SOX5: variants seen among roughly 807,000 people sequenced by gnomAD.
SOX5 encodes SRY-box transcription factor 5.
Under a neutral mutation model 92.0 loss-of-function variants are expected in SOX5, and 9 were observed. The ratio of observed to expected loss-of-function variants is 0.10; its 90% CI spans 0.06 to 0.17. The LOEUF (loss-of-function observed/expected upper bound fraction) is 0.17, where lower values mean the gene tolerates loss of function less well. Among genes scored for constraint, SOX5 ranks in the 10% least tolerant of loss-of-function variants. SOX5 has a pLI of 1.00. For synonymous variants in SOX5, 344 were observed against 336.3 expected (o/e 1.02, Z -0.25); for missense variants, 642 against 944.5 (o/e 0.68, Z 4.20).
At chr12:24,081,815 C>T (rs1358657451) in intron 4 of SOX5, among the ~76,000 whole-genome samples, 1 of 152,058 alleles carries the variant, frequency 6.6e-6, no homozygotes, top group South Asian at 2.1e-4. Context: ...GCCATTCAAA[C>T]GTTCTTCACA....
intron 1 of SOX5, among the ~76,000 whole-genome samples, chr12:24,380,052 G>A (rs1957674726): frequency 6.6e-6 from 1 of 152,192 alleles, no homozygotes; most frequent in Non-Finnish European, 1.5e-5. Context: ...ATACACCAGT[G>A]AAGTGAAATG....
At chr12:23,642,614 T>A (rs947131800) in intron 7 of SOX5, among the ~76,000 whole-genome samples, 1 of 152,010 alleles carries the variant, frequency 6.6e-6, no homozygotes, top group Non-Finnish European at 1.5e-5. Context: ...ATCAATGGGA[T>A]TGGGGAGGGA....
intron 4 of SOX5, among the ~76,000 whole-genome samples, chr12:24,040,509 T>C (rs888723867): frequency 7.9e-5 from 12 of 152,202 alleles, no homozygotes; most frequent in Admixed American, 3.9e-4. Context: ...AATTGAAAAA[T>C]AGAAATGTTT....
chr12:24,087,599 A>G (rs1203801014), intron 4 of SOX5, among the ~76,000 whole-genome samples: 1 of 152,092 alleles, frequency 6.6e-6, no homozygotes, highest in Non-Finnish European at 1.5e-5. Context: ...CATTTTGCTG[A>G]GAGCAAATAC....
intron 2 of SOX5, among the ~76,000 whole-genome samples, chr12:23,859,905 C>T (rs751552130): frequency 7.9e-5 from 12 of 152,082 alleles, no homozygotes; most frequent in Non-Finnish European, 1.6e-4. Context: ...AACCTAAATG[C>T]CCATAAATGA....
At chr12:23,981,404 T>C (rs1160661457) in intron 4 of SOX5, among the ~76,000 whole-genome samples, 2 of 152,230 alleles carry the variant, frequency 1.3e-5, no homozygotes, top group African/African-American at 2.4e-5. Flanking sequence ...ATGGTGGTGG[T>C]GATGTGGTAA....
intron 10 of SOX5, among the ~76,000 whole-genome samples, chr12:23,570,821 G>C (rs990991446): frequency 2.7e-5 from 4 of 148,312 alleles, no homozygotes; most frequent in Admixed American, 6.8e-5. Context: ...TGAGACAGGG[G>C]AATGGCGTGA....
chr12:24,144,175 A>C (rs965306895), intron 4 of SOX5, among the ~76,000 whole-genome samples: 2 of 152,318 alleles, frequency 1.3e-5, no homozygotes, highest in Non-Finnish European at 2.9e-5. Context: ...GAGTGGAGCA[A>C]AATCTTGAAA....
intron 3 of SOX5, among the ~76,000 whole-genome samples, chr12:23,782,016 T>C (rs1341618902): frequency 6.6e-6 from 1 of 152,010 alleles, no homozygotes; most frequent in Non-Finnish European, 1.5e-5. Flanking sequence ...TTTTTTTTTA[T>C]TGACTAGAAA....
intron 7 of SOX5, among the ~76,000 whole-genome samples, chr12:23,658,825 G>A (rs927679161): frequency 1.6e-4 from 24 of 152,150 alleles, no homozygotes; most frequent in African/African-American, 5.1e-4. Flanking sequence ...CTCAGGAGGC[G>A]GAGCTTGCAG....
At chr12:23,895,760 G>T (rs2097170666) in intron 2 of SOX5, 33 bp downstream of exon 2, 1 of 1,467,384 alleles carries the variant, frequency 6.8e-7, no homozygotes. Flanking sequence ...GTCAAAAAGT[G>T]AGTGTAGGCA....
intron 4 of SOX5, among the ~76,000 whole-genome samples, chr12:24,151,561 G>A (rs1449382396): frequency 2.6e-5 from 4 of 152,072 alleles, no homozygotes; most frequent in Admixed American, 2.6e-4. Flanking sequence ...TGATGATAAT[G>A]TGTGAGGTTT....
chr12:24,307,515 A>AAGGAAGGC (rs1323785027), intron 2 of SOX5, among the ~76,000 whole-genome samples: 41 of 24,478 alleles, frequency 1.7e-3, no homozygotes, highest in African/African-American at 3.4e-3. Flanking sequence ...GGAAGGAAGG[A>AAGGAAGGC]AGGCCGGCCC....
intron 1 of SOX5, among the ~76,000 whole-genome samples, chr12:24,420,382 T>C (rs983894416): frequency 6.6e-6 from 1 of 152,090 alleles, no homozygotes; most frequent in African/African-American, 2.4e-5. Context: ...CATGTGAAAA[T>C]ACTCAAAAGC....
intron 2 of SOX5, among the ~76,000 whole-genome samples, chr12:24,320,344 C>T (rs1027554368): frequency 5.9e-5 from 9 of 152,096 alleles, no homozygotes; most frequent in African/African-American, 2.2e-4. Context: ...TTTTTAGCTC[C>T]TCAATATTGA....
chr12:24,041,393 A>G (rs1461162673), intron 4 of SOX5, among the ~76,000 whole-genome samples: 1 of 152,194 alleles, frequency 6.6e-6, no homozygotes, highest in Non-Finnish European at 1.5e-5. Flanking sequence ...CAGAAAAATG[A>G]CAAATTACTG....
At chr12:24,530,795 C>A (rs1951128805) in intron 1 of SOX5, among the ~76,000 whole-genome samples, 1 of 150,682 alleles carries the variant, frequency 6.6e-6, no homozygotes, top group Admixed American at 6.6e-5. Context: ...TTTAATCCAA[C>A]ACTCTCTGTT....
chr12:23,752,649 A>G (rs1285318377), intron 4 of SOX5, among the ~76,000 whole-genome samples: 1 of 151,884 alleles, frequency 6.6e-6, no homozygotes. Context: ...CTCCGCACTC[A>G]ATAACTATGA....
intron 6 of SOX5, among the ~76,000 whole-genome samples, chr12:23,670,871 TA>T (rs2084668629): frequency 6.6e-6 from 1 of 152,114 alleles, no homozygotes; most frequent in African/African-American, 2.4e-5. Flanking sequence ...ACATGAATTG[TA>T]ATATTATCAG....
Sources: gnomAD v4.1 joint callset for allele counts (sites outside exome capture counted in the v4.1 genomes callset) on GRCh38, gnomAD v4.1.1 for gene constraint, MANE v1.5 for transcripts, NCBI Gene and HGNC (gene_info 2026-07-23, HGNC 2026-07-21) for gene names.